TSPAN16: variants seen among roughly 807,000 people sequenced by gnomAD.
TSPAN16 encodes the protein tetraspanin 16, also known as tetraspanin-16.
In TSPAN16, 23 loss-of-function variants were observed where a neutral mutation model predicts 25.2. The ratio of observed to expected loss-of-function variants is 0.91; its 90% CI spans 0.66 to 1.29. The LOEUF is 1.29. Ranked by LOEUF, TSPAN16 falls within the 50% of genes most tolerant of loss-of-function variation. The pLI is 0.00. For synonymous variants in TSPAN16, 123 were observed against 124.4 expected, an observed-to-expected ratio of 0.99 and a Z score of 0.08; for missense variants, 272 against 299.9, an observed-to-expected ratio of 0.91 and a Z score of 0.69.
downstream of TSPAN16, among the ~76,000 whole-genome samples, chr19:11,318,247 G>A (rs144697861): frequency 1.6e-3 from 248 of 152,152 alleles, 1 homozygote; most frequent in African/African-American, 5.3e-3. Flanking sequence ...GGATGGTCTC[G>A]ATCTTCTGAC....
In TSPAN16 at chr19:11,315,837, GACACCCAGGCCT is replaced by G. The variant is rs2080744156; in HGVS notation, c.735_*11del. On this transcript the variant is annotated stop_lost and 3_prime_UTR_variant, in exon 7 of 7. Transcript: ENST00000590327. ...TTGCTGCTGTTTATCAAGCTGGGCT[GACACCCAGGCCT>G]GGAGAAGATGAGACACCTGGGCCCA... The G allele has an allele frequency of 8.1e-7, 1 of 1,231,814 alleles. No individual in the cohort carries two copies. The highest frequency in any genetic ancestry group is 1.0e-6 in the Non-Finnish European group (1 of 987,858). 76.3% of individuals were successfully genotyped at this position (1,231,814 alleles called of 1,614,324 possible).
At chr19:11,324,029 A>G (rs375844342) in intron 6 of TSPAN16, 2 of 151,590 alleles carry the variant, frequency 1.3e-5, no homozygotes, top group Non-Finnish European at 2.9e-5. Flanking sequence ...AGCTTCAGAG[A>G]CTCCCCGGCA....
downstream of TSPAN16, among the ~76,000 whole-genome samples, chr19:11,319,901 A>G (rs1414747218): frequency 2.0e-5 from 3 of 151,618 alleles, no homozygotes; most frequent in East Asian, 2.0e-4. Context: ...TGCAAGCTCC[A>G]CCTCCCGGGT....
At chr19:11,309,351 G>T (rs918186322) in intron 5 of TSPAN16, among the ~76,000 whole-genome samples, 2 of 152,122 alleles carry the variant, frequency 1.3e-5, no homozygotes, top group Admixed American at 1.3e-4. Flanking sequence ...GACAGACACG[G>T]GCCAGACACT....
At position 11,303,764 on chromosome 19, in the gene TSPAN16, T is replaced by C. The variant is rs181193682; in HGVS notation, c.450+2456T>C. On this transcript the variant is annotated intron_variant, in intron 4 of 6. Transcript: ENST00000590327. ...AATGCAGGAGTCTAATTTCTCCACG[T>C]CCTTGACACCTGTCATTTTCTGGGT... 4.8e-3 allele frequency among the ~76,000 whole-genome samples: 726 copies of C among 151,112 alleles called. 11 individuals carry two copies. Among genetic ancestry groups the C allele is most frequent in the Admixed American group, 0.027 (406 of 15,180 alleles).
At chr19:11,305,066 G>A (rs1404925294) in intron 4 of TSPAN16, among the ~76,000 whole-genome samples, 2 of 152,154 alleles carry the variant, frequency 1.3e-5, no homozygotes, top group Non-Finnish European at 2.9e-5. Flanking sequence ...TTATAGGCAT[G>A]AGTCACTGCA....
chr19:11,311,815 G>A (rs530967540), intron 5 of TSPAN16, among the ~76,000 whole-genome samples: 1 of 152,092 alleles, frequency 6.6e-6, no homozygotes, highest in Non-Finnish European at 1.5e-5. Context: ...GAGGTATAGC[G>A]ACTTCTCCAA....
At chr19:11,314,126 G>A (rs1439722088) in intron 6 of TSPAN16, among the ~76,000 whole-genome samples, 1 of 152,146 alleles carries the variant, frequency 6.6e-6, no homozygotes, top group Non-Finnish European at 1.5e-5. Flanking sequence ...TATATAAAAT[G>A]TTCAGAATAG....
At position 11,306,628 on chromosome 19, in the gene TSPAN16, T is replaced by G. The variant is rs1308083905; in HGVS notation, c.475T>G (p.Tyr159Asp). Residue 159 changes from tyrosine (Y) to aspartate (D), a missense_variant, in exon 5 of 7, where the codon TAC (tyrosine) becomes GAC (aspartate). Coordinates refer to ENST00000590327, the MANE Select transcript of TSPAN16 (RefSeq NM_001282509.2). The stretch of plus-strand genomic sequence containing the variant: ...GCTAAAGTGCTGTGGGGTGAATAAC[T>G]ACACAGATTTTTCTGGCTCTTCCTT... The part of the protein sequence containing the change: ...EKLKCCGVNN[Y>D]TDFSGSSFEM... The G allele has an allele frequency of 3.7e-6, 6 of 1,613,622 alleles. No individual in the cohort carries two copies. The highest frequency in any genetic ancestry group is 5.1e-6 in the Non-Finnish European group (6 of 1,180,022).
At chr19:11,299,208 A>G (rs2080515459) in intron 3 of TSPAN16, among the ~76,000 whole-genome samples, 2 of 151,682 alleles carry the variant, frequency 1.3e-5, no homozygotes, top group Admixed American at 1.3e-4. Flanking sequence ...TGAACCCGGG[A>G]GGCAGAGGTT....
chr19:11,304,249 G>A (rs2080601325), intron 4 of TSPAN16, among the ~76,000 whole-genome samples: 1 of 151,594 alleles, frequency 6.6e-6, no homozygotes, highest in Non-Finnish European at 1.5e-5. Flanking sequence ...GAAAGCCATT[G>A]CCTGTCTCCA....
downstream of TSPAN16, among the ~76,000 whole-genome samples, chr19:11,320,592 G>A (rs1161273829): frequency 2.6e-5 from 4 of 151,718 alleles, no homozygotes; most frequent in African/African-American, 9.7e-5. Flanking sequence ...AGGATCCTTT[G>A]AGTCCAGGAG....
chr19:11,308,271 A>G (rs2080650858), intron 5 of TSPAN16, among the ~76,000 whole-genome samples: 1 of 150,948 alleles, frequency 6.6e-6, no homozygotes, highest in Non-Finnish European at 1.5e-5. Context: ...GAGCCAGGGC[A>G]ACATAGCAAA....
chr19:11,325,889 C>A (rs960876075), intron 6 of TSPAN16, among the ~76,000 whole-genome samples: 10 of 152,076 alleles, frequency 6.6e-5, no homozygotes, highest in African/African-American at 2.2e-4. Flanking sequence ...GCCTGGGCAA[C>A]ATAGCAAGGC....
At chr19:11,312,286 C>T (rs2080700674) in intron 6 of TSPAN16, 64 bp downstream of exon 6, 1 of 1,012,788 alleles carries the variant, frequency 9.9e-7, no homozygotes, top group Non-Finnish European at 1.5e-6. Flanking sequence ...ATGCCAAACA[C>T]TGTTCTGGTC....
intron 6 of TSPAN16, among the ~76,000 whole-genome samples, chr19:11,326,470 A>G (rs28379411): frequency 0.12 from 19,026 of 152,208 alleles, 2,763 homozygotes; most frequent in African/African-American, 0.35. Flanking sequence ...CTGCAAGAGT[A>G]TAGGTGGGAG....
chr19:11,320,122 C>CTTTTTTTTTT (rs373015307), downstream of TSPAN16, among the ~76,000 whole-genome samples: 62 of 106,772 alleles, frequency 5.8e-4, 5 homozygotes, highest in African/African-American at 1.7e-3. Context: ...CCGGCCAGGA[C>CTTTTTTTTTT]TTTTTTTTTT....
At chr19:11,299,249 C>T (rs2080515855) in intron 3 of TSPAN16, among the ~76,000 whole-genome samples, 1 of 151,702 alleles carries the variant, frequency 6.6e-6, no homozygotes, top group African/African-American at 2.4e-5. Context: ...CACTGCACTC[C>T]AGCCTGGGCA....
intron 6 of TSPAN16, chr19:11,324,054 TC>T (rs371075512): frequency 9.9e-5 from 15 of 151,000 alleles, no homozygotes; most frequent in African/African-American, 2.9e-4. Context: ...TCACAGTCCA[TC>T]CCCCCCATTC....
Sources: allele counts gnomAD v4.1 joint callset (sites outside exome capture counted in the v4.1 genomes callset), GRCh38; gene constraint gnomAD v4.1.1; transcripts MANE v1.5; gene names NCBI Gene and HGNC (gene_info 2026-07-23, HGNC 2026-07-21).